The following FBXO11 variants were observed in gnomAD, a reference collection of about 807,000 sequenced individuals.
FBXO11 encodes the protein F-box protein 11, also known as F-box only protein 11.
A neutral mutation model predicts 117.0 loss-of-function variants in FBXO11; 13 were observed. That is an observed-to-expected ratio of 0.11 (90% CI 0.07 to 0.18). FBXO11 has a LOEUF of 0.18. Among genes scored for constraint, FBXO11 ranks in the 10% least tolerant of loss-of-function variants. FBXO11 has a pLI of 1.00. For missense variants in FBXO11, 767 were observed against 1,164.4 expected (o/e 0.66, Z 4.97); for synonymous variants, 490 against 380.5 (o/e 1.29, Z -3.35).
At chr2:47,839,617 GA>G in intron 2 of FBXO11, 24 bp downstream of exon 2, 1 of 1,605,536 alleles carries the variant, frequency 6.2e-7, no homozygotes, top group Non-Finnish European at 8.5e-7. Context: ...ATTACAAAAA[GA>G]AAAGCAACTA....
intron 1 of FBXO11, among the ~76,000 whole-genome samples, chr2:47,886,374 C>T (rs766882114): frequency 6.6e-6 from 1 of 151,782 alleles, no homozygotes; most frequent in African/African-American, 2.4e-5. Context: ...GGCATGGTGG[C>T]GTGTGCCTGT....
rs529996782 is a variant in FBXO11, at chr2:47,866,693, C to T, written c.233-26924G>A. On this transcript the variant is annotated intron_variant, in intron 1 of 22. Transcript: ENST00000403359. The stretch of plus-strand genomic sequence containing the variant: ...TTCACCATGTTGGCCAGGATGGTCT[C>T]GATCTCCTGACCTCGTGATCTGCCC... 6.7e-3 allele frequency among the ~76,000 whole-genome samples: 1,018 copies of T among 152,052 alleles called. 5 individuals carry two copies. The highest frequency in any genetic ancestry group is 0.01 in the Non-Finnish European group (687 of 67,964).
At chr2:47,863,646 T>C (rs763213751) in intron 1 of FBXO11, among the ~76,000 whole-genome samples, 7 of 152,168 alleles carry the variant, frequency 4.6e-5, no homozygotes, top group Non-Finnish European at 8.8e-5. Flanking sequence ...TGAAGAAATA[T>C]AGCATCCTCC....
At chr2:47,849,190 TTAAA>T (rs1347049905) in intron 1 of FBXO11, among the ~76,000 whole-genome samples, 1 of 152,178 alleles carries the variant, frequency 6.6e-6, no homozygotes. Flanking sequence ...AAGATAAAAT[TTAAA>T]TACTTATAAA....
intron 1 of FBXO11, among the ~76,000 whole-genome samples, chr2:47,888,115 C>T (rs1420519850): frequency 2.0e-5 from 3 of 152,108 alleles, no homozygotes; most frequent in Non-Finnish European, 4.4e-5. Context: ...TGATCTACAC[C>T]GCTCACTTCG....
chr2:47,902,301 T>G (rs968763703), intron 1 of FBXO11, among the ~76,000 whole-genome samples: 1 of 152,220 alleles, frequency 6.6e-6, no homozygotes, highest in Non-Finnish European at 1.5e-5. Flanking sequence ...AAAAAGCTAA[T>G]GATTAGGCTA....
At chr2:47,813,425 A>ATTTTTTTTTTTTTTTTTTTATTTTT (rs1670765702) in intron 17 of FBXO11, 48 bp from the exon 18 acceptor site, 1 of 327,432 alleles carries the variant, frequency 3.1e-6, no homozygotes, top group Non-Finnish European at 4.2e-6. Flanking sequence ...TTTCTTTTTA[A>ATTTTTTTTTTTTTTTTTTTATTTTT]TTTTTTTTTT....
At chr2:47,816,092 G>C (rs1670986562) in intron 16 of FBXO11, among the ~76,000 whole-genome samples, 1 of 152,192 alleles carries the variant, frequency 6.6e-6, no homozygotes, top group Non-Finnish European at 1.5e-5. Flanking sequence ...GCGACCCCTT[G>C]GGTTGCACCT....
chr2:47,857,930 T>C (rs1384999178), intron 1 of FBXO11, among the ~76,000 whole-genome samples: 57 of 150,330 alleles, frequency 3.8e-4, no homozygotes, highest in Non-Finnish European at 3.0e-5. Context: ...GTCCTTTATA[T>C]GGGCAAATAT....
intron 9 of FBXO11, 45 bp from the exon 10 acceptor site, chr2:47,832,723 T>C: frequency 4.4e-6 from 7 of 1,607,266 alleles, no homozygotes; most frequent in Non-Finnish European, 6.0e-6. Flanking sequence ...CTGGGCAACA[T>C]ACAGTGACTC....
At chr2:47,900,625 TATACACACACGTACGTATATACACAC>T (rs1678072833) in intron 1 of FBXO11, among the ~76,000 whole-genome samples, 2 of 52,186 alleles carry the variant, frequency 3.8e-5, no homozygotes, top group Admixed American at 1.6e-4. Context: ...TATACACACG[TATACACACACGTACGTATATACACAC>T]GTATACACAC....
At chr2:47,813,956 A>C (rs1028806933) in intron 16 of FBXO11, 89 bp from the exon 17 acceptor site, 2 of 970,782 alleles carry the variant, frequency 2.1e-6, no homozygotes, top group Admixed American at 1.9e-5. Context: ...AGAAATCCAC[A>C]TAAGTCACTT....
rs533013576 is a variant in FBXO11, at chr2:47,839,802, A to G, written c.233-33T>C. ...AAACAAAAGCAATAAGAAAAATTAT[A>G]CCCTTTTTAAAAAAAGTTCTATGGA... On this transcript the variant is annotated intron_variant, in intron 1 of 22. Transcript: ENST00000403359. 5.2e-5 allele frequency: 83 copies of G among 1,581,112 alleles called. No individual in the cohort carries two copies. In the East Asian group the frequency reaches 1.7e-3, roughly 33 times the overall value.
In FBXO11 at chr2:47,823,273, C is replaced by G; in HGVS notation, c.1486G>C (p.Glu496Gln). The G allele has an allele frequency of 1.2e-6, 2 of 1,614,048 alleles. No individual in the cohort carries two copies. Among genetic ancestry groups the G allele is most frequent in the Non-Finnish European group, 1.7e-6 (2 of 1,179,962 alleles). ...CCTCCAGTCTGCCCATGGTGAATTT[C>G]ACATCGAACCACTGTAGGGTTAGCA... ...AYANPTVVRC[E>Q]IHHGQTGGIY... Residue 496 changes from glutamate to glutamine, a missense_variant, in exon 12 of 23, where the codon GAA becomes CAA. Glu to Gln is a conservative substitution (Grantham distance 29). Coordinates refer to ENST00000403359, the MANE Select transcript of FBXO11 (RefSeq NM_001190274.2).
At chr2:47,839,595 G>C in intron 2 of FBXO11, 47 bp downstream of exon 2, 4 of 1,603,124 alleles carry the variant, frequency 2.5e-6, no homozygotes, top group South Asian at 1.1e-5. Context: ...TTTGTTTCTT[G>C]AAAATTCTTT....
intron 1 of FBXO11, among the ~76,000 whole-genome samples, chr2:47,841,535 G>T (rs1163224224): frequency 6.6e-6 from 1 of 152,182 alleles, no homozygotes; most frequent in Non-Finnish European, 1.5e-5. Flanking sequence ...AACTCTACAG[G>T]TCCAACTATC....
chr2:47,829,527 A>AC (rs1672026034), intron 11 of FBXO11, among the ~76,000 whole-genome samples: 1 of 152,200 alleles, frequency 6.6e-6, no homozygotes, highest in African/African-American at 2.4e-5. Flanking sequence ...GGCATGAGCC[A>AC]CCACACCTGG....
chr2:47,840,144 C>T (rs183093972), intron 1 of FBXO11, among the ~76,000 whole-genome samples: 5 of 152,092 alleles, frequency 3.3e-5, no homozygotes, highest in East Asian at 2.0e-4. Context: ...GGGGTTTCAT[C>T]GTGGTAGCCA....
Position 47,905,581 on chromosome 2 carries a change from G to A in FBXO11, c.140C>T (p.Pro47Leu), listed in dbSNP as rs1678737273. ...QQQPPQQQPP[P>L]PPQQQQQQQP... ...CTGCTGCTGCTGCTGCTGCGGCGGCGGCGGAGGCTGCTGCTGGGGCGGCTG... is the reference window on the plus strand; with the variant it reads ...CTGCTGCTGCTGCTGCTGCGGCGGCAGCGGAGGCTGCTGCTGGGGCGGCTG... Residue 47 changes from proline (P) to leucine (L), a missense_variant, in exon 1 of 23, where the codon CCG (proline) becomes CTG (leucine). Transcript: ENST00000403359. The A allele has an allele frequency of 1.6e-6, 2 of 1,258,026 alleles. No individual in the cohort carries two copies. Among genetic ancestry groups the A allele is most frequent in the Non-Finnish European group, 2.0e-6 (2 of 1,004,938 alleles). 77.9% of individuals were successfully genotyped at this position (1,258,026 alleles called of 1,614,324 possible).
Sources: allele counts gnomAD v4.1 joint callset (sites outside exome capture counted in the v4.1 genomes callset), GRCh38; gene constraint gnomAD v4.1.1; transcripts MANE v1.5; gene names NCBI Gene and HGNC (gene_info 2026-07-23, HGNC 2026-07-21).